Variants in DLG2 observed in about 807,000 individuals in gnomAD.
DLG2 encodes disks large homolog 2.
DLG2 carries 45 observed loss-of-function variants against 132.5 expected under a neutral mutation model. The ratio of observed to expected loss-of-function variants is 0.34; its 90% CI spans 0.27 to 0.44. The LOEUF is 0.44. Ranked by LOEUF, DLG2 falls within the 20% of genes least tolerant of loss-of-function variation. DLG2 has a pLI of 1.00. For synonymous variants in DLG2, 424 were observed against 419.6 expected, an observed-to-expected ratio of 1.01 and a Z score of -0.13; for missense variants, 1,045 against 1,196.9, an observed-to-expected ratio of 0.87 and a Z score of 1.87.
chr11:84,904,415 G>C (rs1302227824), intron 6 of DLG2, among the ~76,000 whole-genome samples: 1 of 152,116 alleles, frequency 6.6e-6, no homozygotes, highest in Non-Finnish European at 1.5e-5. Flanking sequence ...CACTCTGAAA[G>C]CTCACCTCGA....
intron 7 of DLG2, among the ~76,000 whole-genome samples, chr11:84,445,235 C>T (rs2099030034): frequency 6.6e-6 from 1 of 152,072 alleles, no homozygotes; most frequent in African/African-American, 2.4e-5. Context: ...CAGTTAACTT[C>T]TTTATTTTTA....
intron 6 of DLG2, among the ~76,000 whole-genome samples, chr11:84,957,432 A>T (rs2051860180): frequency 6.6e-6 from 1 of 152,248 alleles, no homozygotes; most frequent in Admixed American, 6.5e-5. Context: ...AAAACAAAAG[A>T]ACACTTTAAT....
At chr11:85,565,281 G>T (rs1319243657) in intron 3 of DLG2, among the ~76,000 whole-genome samples, 1 of 151,986 alleles carries the variant, frequency 6.6e-6, no homozygotes, top group Non-Finnish European at 1.5e-5. Context: ...GGTTATCCTT[G>T]TGTTAGGGGA....
At chr11:85,031,956 T>TC in intron 6 of DLG2, among the ~76,000 whole-genome samples, 1 of 138,240 alleles carries the variant, frequency 7.2e-6, no homozygotes, top group South Asian at 2.4e-4. Context: ...GCTTTTTTTT[T>TC]TTTTTTTTTT....
chr11:85,099,698 T>C, intron 6 of DLG2, among the ~76,000 whole-genome samples: 1 of 152,186 alleles, frequency 6.6e-6, no homozygotes. Flanking sequence ...AATGTCCCCA[T>C]ATCTGTAGCT....
At chr11:85,049,218 C>T (rs1250919277) in intron 6 of DLG2, among the ~76,000 whole-genome samples, 1 of 151,914 alleles carries the variant, frequency 6.6e-6, no homozygotes, top group Non-Finnish European at 1.5e-5. Context: ...TAAATTATTT[C>T]CAGTCTCGTG....
intron 20 of DLG2, among the ~76,000 whole-genome samples, chr11:83,536,580 T>C (rs1313858754): frequency 6.8e-6 from 1 of 146,822 alleles, no homozygotes; most frequent in Admixed American, 6.8e-5. Flanking sequence ...TTTTTTTTTT[T>C]CTGGCAACTA....
At chr11:85,320,268 T>C (rs188390077) in intron 3 of DLG2, among the ~76,000 whole-genome samples, 297 of 152,090 alleles carry the variant, frequency 2.0e-3, no homozygotes, top group Non-Finnish European at 3.3e-3. Context: ...CCAGCAGCCT[T>C]ATTTTACAAA....
chr11:84,925,795 A>G (rs1226207417), intron 6 of DLG2, among the ~76,000 whole-genome samples: 1 of 152,144 alleles, frequency 6.6e-6, no homozygotes, highest in African/African-American at 2.4e-5. Flanking sequence ...ATAGTGTCCA[A>G]TGAGAATATT....
At chr11:83,830,000 C>A (rs905598176) in intron 17 of DLG2, among the ~76,000 whole-genome samples, 1 of 152,058 alleles carries the variant, frequency 6.6e-6, no homozygotes, top group Admixed American at 6.6e-5. Context: ...TGCGGTGTTT[C>A]GTTTTCTGTC....
intron 18 of DLG2, among the ~76,000 whole-genome samples, chr11:83,771,605 C>T (rs144007817): frequency 2.3e-4 from 35 of 152,178 alleles, no homozygotes; most frequent in African/African-American, 7.7e-4. Flanking sequence ...TGTAACACAA[C>T]GTAAGTATTT....
At chr11:83,988,833 ATCC>A (rs2093521890) in intron 11 of DLG2, among the ~76,000 whole-genome samples, 1 of 151,900 alleles carries the variant, frequency 6.6e-6, no homozygotes, top group Non-Finnish European at 1.5e-5. Context: ...TTTTTTCCTT[ATCC>A]TGCTCTAGTT....
intron 7 of DLG2, among the ~76,000 whole-genome samples, chr11:84,389,657 C>T (rs1226500096): frequency 6.6e-6 from 1 of 152,072 alleles, no homozygotes; most frequent in African/African-American, 2.4e-5. Context: ...AATAATTTCA[C>T]ACTTTTTTAT....
chr11:85,570,996 A>T (rs1253708063), intron 3 of DLG2, among the ~76,000 whole-genome samples: 3 of 152,034 alleles, frequency 2.0e-5, no homozygotes, highest in Non-Finnish European at 4.4e-5. Flanking sequence ...TTTGTGAAAT[A>T]TTGCTCTCAT....
intron 24 of DLG2, among the ~76,000 whole-genome samples, 184 bp from the exon 25 acceptor site, chr11:83,469,557 A>G (rs962115919): frequency 8.5e-5 from 13 of 152,162 alleles, no homozygotes; most frequent in African/African-American, 3.1e-4. Flanking sequence ...TGGACAAAAT[A>G]TATGAAACAA....
chr11:84,449,255 T>C (rs775074325), intron 7 of DLG2, among the ~76,000 whole-genome samples: 272 of 152,022 alleles, frequency 1.8e-3, no homozygotes, highest in Non-Finnish European at 3.3e-3. Flanking sequence ...TAAAATCCCT[T>C]TTTATTTCCT....
At chr11:84,132,430 C>T (rs1459811044) in intron 9 of DLG2, among the ~76,000 whole-genome samples, 1 of 151,934 alleles carries the variant, frequency 6.6e-6, no homozygotes. Flanking sequence ...CTATTATAGT[C>T]TCCTCACCTT....
intron 19 of DLG2, among the ~76,000 whole-genome samples, chr11:83,551,084 T>C (rs1275028807): frequency 1.3e-5 from 2 of 152,188 alleles, no homozygotes; most frequent in Non-Finnish European, 2.9e-5. Flanking sequence ...AGCTGCAGTA[T>C]GATTTTCAGC....
chr11:84,144,785 T>G (rs955701834), intron 9 of DLG2, among the ~76,000 whole-genome samples: 1 of 152,188 alleles, frequency 6.6e-6, no homozygotes, highest in African/African-American at 2.4e-5. Flanking sequence ...TGCAGATGAC[T>G]GAAGTAGTTG....
Sources: allele counts gnomAD v4.1 joint callset (sites outside exome capture counted in the v4.1 genomes callset), GRCh38; gene constraint gnomAD v4.1.1; transcripts MANE v1.5; gene names NCBI Gene and HGNC (gene_info 2026-07-23, HGNC 2026-07-21).